CNTNAP2: variants seen among roughly 807,000 people sequenced by gnomAD.
CNTNAP2 encodes the protein contactin associated protein 2.
A neutral mutation model predicts 155.2 loss-of-function variants in CNTNAP2; 98 were observed. That is an observed-to-expected ratio of 0.63 (90% CI 0.54 to 0.75). The LOEUF (loss-of-function observed/expected upper bound fraction) is 0.75, where lower values mean the gene tolerates loss of function less well. Among genes scored for constraint, CNTNAP2 ranks in the 30% least tolerant of loss-of-function variants. The probability of loss-of-function intolerance (pLI) is 0.00; values close to 1 mark genes in which losing one functional copy is unlikely to be tolerated. For synonymous variants in CNTNAP2, 651 were observed against 631.2 expected (o/e 1.03, Z -0.47); for missense variants, 1,727 against 1,688.1 (o/e 1.02, Z -0.40).
At chr7:147,372,158 C>T (rs749829361) in intron 9 of CNTNAP2, among the ~76,000 whole-genome samples, 4 of 152,064 alleles carry the variant, frequency 2.6e-5, no homozygotes, top group South Asian at 2.1e-4. Flanking sequence ...TAACAGTTCT[C>T]GTTTAAATTC....
intron 9 of CNTNAP2, among the ~76,000 whole-genome samples, chr7:147,395,335 A>G (rs1796795980): frequency 1.3e-5 from 2 of 152,048 alleles, no homozygotes; most frequent in African/African-American, 4.8e-5. Context: ...TGACAGTGAG[A>G]AAGATGATGT....
intron 4 of CNTNAP2, among the ~76,000 whole-genome samples, chr7:147,076,658 T>C (rs1312933009): frequency 6.6e-6 from 1 of 152,210 alleles, no homozygotes; most frequent in Admixed American, 6.5e-5. Flanking sequence ...GTTTTAATCA[T>C]GAACACAATT....
intron 14 of CNTNAP2, among the ~76,000 whole-genome samples, chr7:147,942,790 C>A (rs1243182993): frequency 2.0e-5 from 3 of 152,188 alleles, no homozygotes; most frequent in East Asian, 3.9e-4. Flanking sequence ...GTAATCCCAG[C>A]ACTTTGGGAG....
intron 8 of CNTNAP2, among the ~76,000 whole-genome samples, chr7:147,211,193 T>C (rs527578193): frequency 6.6e-6 from 1 of 152,150 alleles, no homozygotes; most frequent in Non-Finnish European, 1.5e-5. Context: ...CTTAGTTTTA[T>C]TCCCTGATGA....
intron 13 of CNTNAP2, among the ~76,000 whole-genome samples, chr7:147,782,556 G>A (rs566668062): frequency 6.6e-6 from 1 of 152,126 alleles, no homozygotes; most frequent in Admixed American, 6.5e-5. Flanking sequence ...TCACATAGCG[G>A]AAGTGGTAAA....
chr7:147,347,099 AATT>A (rs1235913366), intron 9 of CNTNAP2, among the ~76,000 whole-genome samples: 1 of 152,094 alleles, frequency 6.6e-6, no homozygotes, highest in Non-Finnish European at 1.5e-5. Context: ...ACTAGGGTAA[AATT>A]ATCTTATCTG....
intron 1 of CNTNAP2, among the ~76,000 whole-genome samples, chr7:146,644,006 G>A (rs1799763194): frequency 6.6e-6 from 1 of 152,132 alleles, no homozygotes; most frequent in Non-Finnish European, 1.5e-5. Flanking sequence ...TTTGTAGATT[G>A]ATTTTGTATC....
In CNTNAP2 at chr7:146,283,947, A is replaced by G. The variant is rs558971558; in HGVS notation, c.97+166974A>G. ...AATAAAAATGCAAACAAAATCAACA[A>G]GAAAATGACAGGGTTGTTATTTATA... is the stretch of plus-strand genomic sequence containing the variant. On this transcript the variant is annotated intron_variant, in intron 1 of 23. Coordinates refer to ENST00000361727, the MANE Select transcript of CNTNAP2 (RefSeq NM_014141.6). Among the ~76,000 whole-genome samples the G allele has an allele frequency of 2.0e-5, 3 of 152,322 alleles. No homozygotes were observed. The South Asian group carries it at 6.2e-4, about 32-fold the overall frequency.
At chr7:147,779,272 C>T (rs886408599) in intron 13 of CNTNAP2, among the ~76,000 whole-genome samples, 1 of 152,162 alleles carries the variant, frequency 6.6e-6, no homozygotes, top group East Asian at 1.9e-4. Flanking sequence ...TATTTATGGG[C>T]ATCAACTAAG....
chr7:147,656,751 GC>G (rs1332914010), intron 13 of CNTNAP2, among the ~76,000 whole-genome samples: 1 of 151,566 alleles, frequency 6.6e-6, no homozygotes, highest in African/African-American at 2.4e-5. Context: ...CAAAGTGAGA[GC>G]ATGCCATTGA....
chr7:146,456,883 G>A (rs1446764056), intron 1 of CNTNAP2, among the ~76,000 whole-genome samples: 1 of 152,108 alleles, frequency 6.6e-6, no homozygotes, highest in Non-Finnish European at 1.5e-5. Flanking sequence ...GATCTAATTA[G>A]TATAAAGAAA....
chr7:146,812,108 T>A (rs934780024), intron 2 of CNTNAP2, among the ~76,000 whole-genome samples: 2 of 152,054 alleles, frequency 1.3e-5, no homozygotes, highest in Non-Finnish European at 2.9e-5. Flanking sequence ...TGGAAGCGAC[T>A]TTGGAACTGG....
intron 20 of CNTNAP2, among the ~76,000 whole-genome samples, chr7:148,232,227 T>C (rs1215068759): frequency 6.6e-6 from 1 of 152,240 alleles, no homozygotes; most frequent in African/African-American, 2.4e-5. Flanking sequence ...TTCCTCCTTA[T>C]GGAAAAGCAG....
chr7:146,561,018 G>A (rs1436634109), intron 1 of CNTNAP2, among the ~76,000 whole-genome samples: 1 of 152,116 alleles, frequency 6.6e-6, no homozygotes, highest in African/African-American at 2.4e-5. Flanking sequence ...CAACTCTAGT[G>A]TCAATTATAT....
chr7:147,769,704 T>A (rs144597375), intron 13 of CNTNAP2, among the ~76,000 whole-genome samples: 107 of 152,292 alleles, frequency 7.0e-4, no homozygotes, highest in African/African-American at 2.4e-3. Flanking sequence ...GACCATTGTT[T>A]GGCTTGTATT....
intron 1 of CNTNAP2, among the ~76,000 whole-genome samples, chr7:146,614,517 C>T (rs142648260): frequency 8.5e-5 from 13 of 152,192 alleles, no homozygotes; most frequent in African/African-American, 3.1e-4. Flanking sequence ...GAGCATGAAG[C>T]GGTGCTGCAG....
chr7:147,911,739 T>C (rs2116764657), intron 14 of CNTNAP2, among the ~76,000 whole-genome samples: 1 of 152,358 alleles, frequency 6.6e-6, no homozygotes, highest in East Asian at 1.9e-4. Flanking sequence ...TTTCACTTAG[T>C]ATAATGTCCT....
At chr7:148,262,677 C>A (rs2116833628) in intron 20 of CNTNAP2, among the ~76,000 whole-genome samples, 1 of 152,250 alleles carries the variant, frequency 6.6e-6, no homozygotes, top group South Asian at 2.1e-4. Flanking sequence ...CCCAGGGAAT[C>A]CAGGAGAATT....
intron 13 of CNTNAP2, among the ~76,000 whole-genome samples, chr7:147,796,013 T>C (rs1797887618): frequency 6.6e-6 from 1 of 152,232 alleles, no homozygotes; most frequent in Admixed American, 6.5e-5. Context: ...TATAGTAAAA[T>C]AATTATTTGG....
Sources: allele counts gnomAD v4.1 joint callset (sites outside exome capture counted in the v4.1 genomes callset), GRCh38; gene constraint gnomAD v4.1.1; transcripts MANE v1.5; gene names NCBI Gene and HGNC (gene_info 2026-07-23, HGNC 2026-07-21).